Variants in LEMD1 observed in about 807,000 individuals in gnomAD.
LEMD1 encodes LEM domain containing 1, also known as LEM domain-containing protein 1.
In LEMD1, 18 loss-of-function variants were observed where a neutral mutation model predicts 17.4. The observed-to-expected ratio is 1.04, with a 90% CI of 0.72 to 1.54. The LOEUF is 1.54. Among genes scored for constraint, LEMD1 ranks in the 40% most tolerant of loss-of-function variants. The pLI is 0.00. For missense variants in LEMD1, 195 were observed against 210.4 expected (o/e 0.93, Z 0.45); for synonymous variants, 88 against 77.8 (o/e 1.13, Z -0.69).
chr1:205,404,853 C>T (rs1574969550), intron 4 of LEMD1, among the ~76,000 whole-genome samples: 1 of 151,976 alleles, frequency 6.6e-6, no homozygotes, highest in East Asian at 1.9e-4. Context: ...TTGTGCCTTT[C>T]CATGTTTAGT....
upstream of LEMD1, among the ~76,000 whole-genome samples, chr1:205,423,015 T>C (rs1049742418): frequency 6.6e-6 from 1 of 152,236 alleles, no homozygotes; most frequent in Non-Finnish European, 1.5e-5. Flanking sequence ...GAAAGCATTA[T>C]ATAAATGTTT....
intron 4 of LEMD1, among the ~76,000 whole-genome samples, chr1:205,400,843 T>TCCCCCC (rs58251224): frequency 7.9e-4 from 63 of 79,646 alleles, no homozygotes; most frequent in African/African-American, 9.3e-4. Context: ...ATGCTATCCC[T>TCCCCCC]CCCCCCCCCC....
chr1:205,393,245 T>C (rs900594687), intron 4 of LEMD1, among the ~76,000 whole-genome samples: 4 of 152,094 alleles, frequency 2.6e-5, no homozygotes, highest in African/African-American at 7.2e-5. Context: ...AATAAGCACA[T>C]AAGATTCCTT....
At chr1:205,427,778 G>A (rs999826883) in intron 1 of LEMD1, among the ~76,000 whole-genome samples, 9 of 152,314 alleles carry the variant, frequency 5.9e-5, no homozygotes, top group African/African-American at 2.2e-4. Flanking sequence ...ATGAAATGGA[G>A]AAGGAATGAG....
chr1:205,397,478 A>T (rs1298740885), intron 4 of LEMD1, among the ~76,000 whole-genome samples: 1 of 152,210 alleles, frequency 6.6e-6, no homozygotes, highest in Admixed American at 6.5e-5. Flanking sequence ...GTGTGGTGGC[A>T]CACACCTGTA....
intron 4 of LEMD1, among the ~76,000 whole-genome samples, chr1:205,411,001 A>C (rs764874434): frequency 2.7e-5 from 4 of 150,350 alleles, no homozygotes; most frequent in Non-Finnish European, 5.9e-5. Context: ...AAAGAAAAGA[A>C]AAGGAGGGAG....
chr1:205,419,198 T>C (rs1323956350), intron 3 of LEMD1, 32 bp downstream of exon 3: 1 of 1,609,030 alleles, frequency 6.2e-7, no homozygotes. Context: ...AAGTGCAAAG[T>C]TGCCATCTAG....
chr1:205,395,887 C>T (rs539547714), intron 4 of LEMD1, among the ~76,000 whole-genome samples: 14 of 152,160 alleles, frequency 9.2e-5, no homozygotes, highest in South Asian at 4.1e-4. Context: ...TGAAAAGATG[C>T]CCAAACTTAT....
chr1:205,395,608 A>G (rs1014516086), intron 4 of LEMD1, among the ~76,000 whole-genome samples: 4 of 143,208 alleles, frequency 2.8e-5, no homozygotes, highest in Non-Finnish European at 4.6e-5. Context: ...AAAAAAAAAA[A>G]GAAAAAAAAG....
intron 1 of LEMD1, among the ~76,000 whole-genome samples, chr1:205,432,490 C>A (rs979970789): frequency 8.5e-5 from 13 of 152,188 alleles, no homozygotes; most frequent in Admixed American, 2.6e-4. Flanking sequence ...GGATTACAAA[C>A]CCCAAGAGAT....
At chr1:205,383,013 T>C (rs1198007371) in intron 5 of LEMD1, among the ~76,000 whole-genome samples, 1 of 152,218 alleles carries the variant, frequency 6.6e-6, no homozygotes, top group Non-Finnish European at 1.5e-5. Context: ...TTATTTGAAC[T>C]ACTTACTCTT....
In LEMD1 at chr1:205,441,569, G is replaced by A. The variant is rs984650907; in HGVS notation, c.-39+8299C>T. Among the ~76,000 whole-genome samples, 2 of 152,120 alleles carry A rather than the reference G, an allele frequency of 1.3e-5. No homozygotes were observed. Among genetic ancestry groups the A allele is most frequent in the Admixed American group, 6.5e-5 (1 of 15,282 alleles). ...TAGCTTTACTTTGACACCTGGGACC[G>A]AGTCAGATTCCTCCCTTCCTTAACA... On this transcript the variant is annotated intron_variant, in intron 1 of 3. Coordinates refer to the LEMD1 transcript ENST00000367154. The surrounding 1 kb of genome is among the most constrained non-coding windows in gnomAD (Gnocchi z 4.3).
chr1:205,393,494 G>A (rs912495930), intron 4 of LEMD1, among the ~76,000 whole-genome samples: 2 of 151,894 alleles, frequency 1.3e-5, no homozygotes, highest in Admixed American at 6.6e-5. Context: ...TGGCCAACAT[G>A]GTGAAACACC....
At chr1:205,413,587 CTTTTTTTTTTT>C (rs781477988) in intron 4 of LEMD1, among the ~76,000 whole-genome samples, 2 of 72,504 alleles carry the variant, frequency 2.8e-5, no homozygotes, top group African/African-American at 1.5e-4. Flanking sequence ...CCATGCCCAA[CTTTTTTTTTTT>C]TTTTTTTTTT....
intron 4 of LEMD1, among the ~76,000 whole-genome samples, chr1:205,395,536 G>A (rs2102368486): frequency 6.6e-6 from 1 of 151,870 alleles, no homozygotes; most frequent in African/African-American, 2.4e-5. Context: ...GGATGTTGCG[G>A]TGAGCCAAGA....
chr1:205,382,014 T>A (rs1663726570), intron 5 of LEMD1, 158 bp from the exon 6 acceptor site: 2 of 663,662 alleles, frequency 3.0e-6, no homozygotes, highest in Non-Finnish European at 5.2e-6. Flanking sequence ...TCTTTTTTTT[T>A]CTTTTAAGAC....
At chr1:205,394,137 T>C (rs561896860) in intron 4 of LEMD1, among the ~76,000 whole-genome samples, 2 of 144,738 alleles carry the variant, frequency 1.4e-5, no homozygotes, top group East Asian at 4.1e-4. Context: ...TGATTCCATT[T>C]ATGTGAAATC....
chr1:205,439,969 G>A (rs1012359982), intron 1 of LEMD1, among the ~76,000 whole-genome samples: 4 of 152,018 alleles, frequency 2.6e-5, no homozygotes, highest in African/African-American at 9.7e-5. Flanking sequence ...GCGGGGGTGG[G>A]GGATGAGGGA....
chr1:205,411,842 G>A (rs1227135572), intron 4 of LEMD1, among the ~76,000 whole-genome samples: 2 of 152,186 alleles, frequency 1.3e-5, no homozygotes, highest in African/African-American at 4.8e-5. Context: ...GATTCTGGCA[G>A]GGACGAGCAT....
Sources: gnomAD v4.1 joint callset for allele counts (sites outside exome capture counted in the v4.1 genomes callset) on GRCh38, gnomAD v4.1.1 for gene constraint, Gnocchi (gnomAD v3.1) non-coding constraint, MANE v1.5 for transcripts, NCBI Gene and HGNC (gene_info 2026-07-23, HGNC 2026-07-21) for gene names.